HMGN3: variants seen among roughly 807,000 people sequenced by gnomAD.
The protein encoded by HMGN3 is high mobility group nucleosome-binding domain-containing protein 3.
A neutral mutation model predicts 18.8 loss-of-function variants in HMGN3; 6 were observed. That is an observed-to-expected ratio of 0.32 (90% CI 0.18 to 0.63). The LOEUF is 0.63. Ranked by LOEUF, HMGN3 falls within the 30% of genes least tolerant of loss-of-function variation. HMGN3 has a pLI of 0.79. For missense variants in HMGN3, 107 were observed against 114.2 expected (o/e 0.94, Z 0.29); for synonymous variants, 40 against 36.5 (o/e 1.10, Z -0.35).
At chr6:79,214,400 A>G (rs1379963788) in intron 2 of HMGN3, among the ~76,000 whole-genome samples, 1 of 151,820 alleles carries the variant, frequency 6.6e-6, no homozygotes, top group Non-Finnish European at 1.5e-5. Flanking sequence ...ATGGGGTTTC[A>G]CCGTGTTAGC....
At chr6:79,201,516 T>G (rs1776132205) in exon 6 of HMGN3, 1 of 557,440 alleles carries the variant, frequency 1.8e-6, no homozygotes, top group Non-Finnish European at 3.2e-6. Context: ...GAGGATGATG[T>G]AAATTTCCAA....
intron 2 of HMGN3, among the ~76,000 whole-genome samples, chr6:79,211,798 G>C (rs577218071): frequency 3.3e-5 from 5 of 152,218 alleles, no homozygotes; most frequent in African/African-American, 1.2e-4. Context: ...TATTCTGAAA[G>C]ACATGAAATC....
At chr6:79,212,976 G>T (rs1381950045) in intron 2 of HMGN3, among the ~76,000 whole-genome samples, 1 of 151,862 alleles carries the variant, frequency 6.6e-6, no homozygotes, top group African/African-American at 2.4e-5. Flanking sequence ...TAAATGACAG[G>T]TAGAGCCTTA....
chr6:79,214,270 C>T (rs1205368214), intron 2 of HMGN3, among the ~76,000 whole-genome samples: 9 of 148,364 alleles, frequency 6.1e-5, no homozygotes, highest in South Asian at 2.1e-4. Context: ...GGTGTGATCT[C>T]GGCTCACTGC....
exon 1 of HMGN3, chr6:79,234,644 G>C: frequency 7.3e-7 from 1 of 1,364,546 alleles, no homozygotes; most frequent in South Asian, 1.2e-5. Flanking sequence ...TGCCTCTGCA[G>C]CTGCTCACGC....
chr6:79,230,310 G>A (rs1777777115), intron 1 of HMGN3, among the ~76,000 whole-genome samples: 4 of 152,150 alleles, frequency 2.6e-5, no homozygotes, highest in African/African-American at 9.7e-5. Flanking sequence ...ACTCCATGAG[G>A]GACCTTTGTG....
At chr6:79,232,353 T>G (rs1330614359) in intron 1 of HMGN3, among the ~76,000 whole-genome samples, 1 of 152,160 alleles carries the variant, frequency 6.6e-6, no homozygotes, top group Non-Finnish European at 1.5e-5. Context: ...TCGCCGTGTT[T>G]AATCTGAGGT....
Position 79,203,639 on chromosome 6 carries a change from A to G in HMGN3, c.97-9T>C. ...TTTGGTGGAGCAGGTTTCTGCAAAG[A>G]TAATTTAAATTACACAAATACTGAA... On this transcript the variant is annotated splice_polypyrimidine_tract_variant and intron_variant, in intron 3 of 5. Coordinates refer to ENST00000344726, the Ensembl canonical transcript of HMGN3. 1.3e-6 allele frequency: 2 copies of G among 1,594,544 alleles called. No homozygotes were observed. Among genetic ancestry groups the G allele is most frequent in the Non-Finnish European group, 1.7e-6 (2 of 1,169,500 alleles).
At chr6:79,204,918 T>A (rs1561983185) in intron 3 of HMGN3, among the ~76,000 whole-genome samples, 1 of 152,264 alleles carries the variant, frequency 6.6e-6, no homozygotes, top group Non-Finnish European at 1.5e-5. Context: ...AGCTTTGATA[T>A]ACTGTATTAA....
At chr6:79,201,588 G>T in exon 6 of HMGN3, 1 of 816,282 alleles carries the variant, frequency 1.2e-6, no homozygotes, top group South Asian at 1.5e-5. Context: ...CCAACTAGTA[G>T]AGTCCTAAAA....
chr6:79,218,384 T>C (rs929286197), intron 1 of HMGN3, among the ~76,000 whole-genome samples: 2 of 152,192 alleles, frequency 1.3e-5, no homozygotes, highest in South Asian at 2.1e-4. Flanking sequence ...AAAAAATATA[T>C]ACTTAGCTAA....
In HMGN3 at chr6:79,219,590, G is replaced by GA. The variant is rs753970415; in HGVS notation, c.16-4569dup. On this transcript the variant is annotated intron_variant, in intron 1 of 5. Coordinates refer to ENST00000344726, the Ensembl canonical transcript of HMGN3. ...CCTATTGTGTTTTTAAGTTTCAACA[G>GA]AAATTCTACAGCAGTTCTTTCCTAC... Among the ~76,000 whole-genome samples, 20 of 152,198 alleles carry GA rather than the reference G, an allele frequency of 1.3e-4. No individual in the cohort carries two copies. The East Asian group carries it at 3.3e-3, about 25-fold the overall frequency.
chr6:79,234,553 T>C, exon 1 of HMGN3: 1 of 1,612,264 alleles, frequency 6.2e-7, no homozygotes, highest in Non-Finnish European at 8.5e-7. Context: ...TACCTTTCTC[T>C]TCGGCATAAT....
intron 1 of HMGN3, among the ~76,000 whole-genome samples, chr6:79,218,327 C>T (rs1295119986): frequency 6.6e-6 from 1 of 151,934 alleles, no homozygotes; most frequent in Non-Finnish European, 1.5e-5. Flanking sequence ...TTAAAAGAGA[C>T]ACCAAAAACT....
chr6:79,217,853 G>A (rs1777071651), intron 1 of HMGN3, among the ~76,000 whole-genome samples: 1 of 152,212 alleles, frequency 6.6e-6, no homozygotes, highest in Non-Finnish European at 1.5e-5. Flanking sequence ...AAGGCTGGGG[G>A]TGGATATAGG....
At chr6:79,216,903 G>A (rs1046473225) in intron 1 of HMGN3, among the ~76,000 whole-genome samples, 25 of 152,204 alleles carry the variant, frequency 1.6e-4, no homozygotes, top group African/African-American at 4.8e-4. Context: ...TCAGTCTAGG[G>A]TACTCTCTAC....
chr6:79,220,471 A>G (rs1270301262), intron 1 of HMGN3, among the ~76,000 whole-genome samples: 2 of 152,130 alleles, frequency 1.3e-5, no homozygotes, highest in East Asian at 3.8e-4. Context: ...TTTTGAGACG[A>G]AGTCTCACTC....
intron 3 of HMGN3, among the ~76,000 whole-genome samples, chr6:79,205,826 G>A (rs759102345): frequency 5.9e-5 from 9 of 152,184 alleles, no homozygotes; most frequent in Non-Finnish European, 8.8e-5. Context: ...CTAAAGATTT[G>A]TTGAATGGCT....
At chr6:79,201,474 C>T in exon 6 of HMGN3, 1 of 533,204 alleles carries the variant, frequency 1.9e-6, no homozygotes, top group East Asian at 2.9e-5. Context: ...TTACACACAG[C>T]TTCCAATATT....
Sources: allele counts gnomAD v4.1 joint callset (sites outside exome capture counted in the v4.1 genomes callset), GRCh38; gene constraint gnomAD v4.1.1; transcripts MANE v1.5; gene names NCBI Gene and HGNC (gene_info 2026-07-23, HGNC 2026-07-21).